Variants in ARHGAP40 observed in about 807,000 individuals in gnomAD.
The protein encoded by ARHGAP40 is rho GTPase-activating protein 40.
A neutral mutation model predicts 73.5 loss-of-function variants in ARHGAP40; 43 were observed. The observed-to-expected ratio is 0.58, with a 90% CI of 0.46 to 0.75. The LOEUF (loss-of-function observed/expected upper bound fraction) is 0.75. Ranked by LOEUF, ARHGAP40 falls within the 30% of genes least tolerant of loss-of-function variation. The probability of loss-of-function intolerance (pLI) is 0.00; values close to 1 mark genes in which losing one functional copy is unlikely to be tolerated. For synonymous variants in ARHGAP40, 300 were observed against 352.8 expected, an observed-to-expected ratio of 0.85 and a Z score of 1.68; for missense variants, 734 against 861.8, an observed-to-expected ratio of 0.85 and a Z score of 1.86.
intron 1 of ARHGAP40, among the ~76,000 whole-genome samples, chr20:38,604,140 T>G (rs1171218639): frequency 6.6e-5 from 10 of 152,204 alleles, no homozygotes; most frequent in Admixed American, 6.5e-4. Context: ...CATCCATCTA[T>G]CTACCTATCT....
chr20:38,629,404 C>A, intron 4 of ARHGAP40, 98 bp from the exon 5 acceptor site: 6 of 1,201,676 alleles, frequency 5.0e-6, no homozygotes, highest in Non-Finnish European at 6.5e-6. Context: ...TGGGAGCTCA[C>A]TTCTTAGGAC....
At chr20:38,605,909 CAG>C (rs1240462035) in intron 1 of ARHGAP40, among the ~76,000 whole-genome samples, 1 of 151,906 alleles carries the variant, frequency 6.6e-6, no homozygotes, top group African/African-American at 2.4e-5. Context: ...CTTTTGGAGA[CAG>C]AGTCTTGCTC....
At position 38,629,063 on chromosome 20, in the gene ARHGAP40, T is replaced by C. The variant is rs1294141457; in HGVS notation, c.634+61T>C. 3 of 1,215,930 alleles carry C rather than the reference T, an allele frequency of 2.5e-6. No individual in the cohort carries two copies. The African/African-American group carries it at 4.8e-5, about 19-fold the overall frequency. The allele number at this position is 1,215,930 out of a possible 1,614,324, so 75.3% of individuals were successfully genotyped here. On this transcript the variant is annotated intron_variant, in intron 4 of 14. Coordinates refer to ENST00000373345, the Ensembl canonical transcript of ARHGAP40. ...CTCCAGGCTGCATAAAGGGCTGCTC[T>C]GTGAAGTAAGAGAATGTGCACACCT...
chr20:38,637,685 C>G, intron 6 of ARHGAP40, 23 bp from the exon 7 acceptor site: 2 of 1,303,482 alleles, frequency 1.5e-6, no homozygotes, highest in Non-Finnish European at 2.0e-6. Flanking sequence ...TGAAATGTGC[C>G]TCTGCTCTTT....
chr20:38,639,310 G>T, exon 9 of ARHGAP40: 3 of 1,305,480 alleles, frequency 2.3e-6, no homozygotes, highest in Non-Finnish European at 3.0e-6. Context: ...CCTCTGATTT[G>T]CTCAAAAGGT....
chr20:38,632,353 C>T (rs1207659839), intron 5 of ARHGAP40, among the ~76,000 whole-genome samples: 3 of 152,096 alleles, frequency 2.0e-5, no homozygotes, highest in African/African-American at 4.8e-5. Flanking sequence ...AGCTCCGCCC[C>T]CTGGGTTCAT....
chr20:38,647,203 G>C, intron 13 of ARHGAP40, 77 bp downstream of exon 13: 6 of 1,206,826 alleles, frequency 5.0e-6, no homozygotes, highest in Non-Finnish European at 6.4e-6. Context: ...AGGCCACCAG[G>C]GGGTTACACA....
chr20:38,641,784 A>G (rs1275793123), exon 10 of ARHGAP40: 1 of 1,295,408 alleles, frequency 7.7e-7, no homozygotes, highest in Non-Finnish European at 1.0e-6. Flanking sequence ...TCATCCTCCC[A>G]GAACCCAACA....
intron 2 of ARHGAP40, 21 bp downstream of exon 2, chr20:38,623,579 C>T (rs1206752162): frequency 7.9e-7 from 1 of 1,270,946 alleles, no homozygotes; most frequent in African/African-American, 1.5e-5. Flanking sequence ...CTGGCGGGGG[C>T]CTATAGGGGT....
intron 1 of ARHGAP40, chr20:38,615,386 C>T (rs551246530): frequency 2.7e-6 from 2 of 740,368 alleles, no homozygotes; most frequent in African/African-American, 1.7e-5. Context: ...CAGGTACCCA[C>T]CCCAATGAGG....
chr20:38,643,932 G>T (rs2089035856), intron 11 of ARHGAP40, 22 bp downstream of exon 11: 1 of 1,279,090 alleles, frequency 7.8e-7, no homozygotes, highest in Admixed American at 2.4e-5. Context: ...TGGGCGCTGG[G>T]TATCCCTCTG....
At chr20:38,614,846 A>T (rs966461309) in intron 1 of ARHGAP40, 1 of 866,446 alleles carries the variant, frequency 1.2e-6, no homozygotes, top group East Asian at 2.4e-5. Flanking sequence ...GAGCTCCAGA[A>T]CCATGAGTAC....
intron 1 of ARHGAP40, chr20:38,615,363 G>C (rs995539933): frequency 3.4e-5 from 26 of 756,878 alleles, no homozygotes; most frequent in Non-Finnish European, 6.2e-5. Flanking sequence ...GGTAAACCAG[G>C]GTTAAAAGGC....
intron 2 of ARHGAP40, among the ~76,000 whole-genome samples, chr20:38,625,539 C>T (rs1175125653): frequency 3.3e-5 from 5 of 152,334 alleles, no homozygotes; most frequent in South Asian, 4.1e-4. Flanking sequence ...CTGCCTCAGC[C>T]TCCCAAGTAG....
At position 38,646,863 on chromosome 20, in the gene ARHGAP40, G is replaced by A. The variant is rs1238788861; in HGVS notation, c.1711-94G>A. ...TGTGATTTTCAGCGTGGGCATTTGCGTAAGTGCCATGTATGCGTGTTTATG... is the reference window on the plus strand; with the variant it reads ...TGTGATTTTCAGCGTGGGCATTTGCATAAGTGCCATGTATGCGTGTTTATG... On this transcript the variant is annotated intron_variant, in intron 12 of 14. Coordinates refer to ENST00000373345, the Ensembl canonical transcript of ARHGAP40. The surrounding 1 kb of genome is among the most constrained non-coding windows in gnomAD (Gnocchi z 4.5). The A allele has an allele frequency of 5.2e-6, 6 of 1,154,244 alleles. No homozygotes were observed. Among genetic ancestry groups the A allele is most frequent in the Admixed American group, 5.9e-5 (2 of 33,852 alleles). The allele number at this position is 1,154,244 out of a possible 1,614,324, so 71.5% of individuals were successfully genotyped here. A position where few individuals can be genotyped will look rare whatever the true frequency, so the allele number is the denominator to read the frequency against.
intron 10 of ARHGAP40, 76 bp from the exon 11 acceptor site, chr20:38,643,628 T>C (rs2089033141): frequency 1.7e-6 from 2 of 1,183,786 alleles, no homozygotes; most frequent in African/African-American, 1.6e-5. Context: ...TTATCATTCA[T>C]CAGAATGCCC....
intron 5 of ARHGAP40, among the ~76,000 whole-genome samples, chr20:38,631,330 A>C (rs954670048): frequency 6.7e-6 from 1 of 149,136 alleles, no homozygotes; most frequent in Non-Finnish European, 1.5e-5. Context: ...AAAAAAGAGA[A>C]GTGGCATATG....
intron 11 of ARHGAP40, among the ~76,000 whole-genome samples, chr20:38,644,982 C>T (rs902852904): frequency 6.6e-6 from 1 of 152,134 alleles, no homozygotes; most frequent in African/African-American, 2.4e-5. Context: ...TTCCAGAAAC[C>T]AGCAAGTGAA....
exon 6 of ARHGAP40, chr20:38,634,623 T>C (rs1476709846): frequency 7.7e-7 from 1 of 1,305,252 alleles, no homozygotes; most frequent in Non-Finnish European, 1.0e-6. Flanking sequence ...TTAATAGAAG[T>C]TTACCGTCCC....
Sources: allele counts gnomAD v4.1 joint callset (sites outside exome capture counted in the v4.1 genomes callset), GRCh38; gene constraint gnomAD v4.1.1; non-coding constraint Gnocchi (gnomAD v3.1); transcripts MANE v1.5; gene names NCBI Gene and HGNC (gene_info 2026-07-23, HGNC 2026-07-21).